Variants in CADM2 observed in about 807,000 individuals in gnomAD.
The protein encoded by CADM2 is immunoglobulin superfamily member 4D.
CADM2 carries 12 observed loss-of-function variants against 49.8 expected under a neutral mutation model. That is an observed-to-expected ratio of 0.24 (90% CI 0.15 to 0.39). The LOEUF (loss-of-function observed/expected upper bound fraction) is 0.39. Among genes scored for constraint, CADM2 ranks in the 10% least tolerant of loss-of-function variants. The pLI, the probability that CADM2 is intolerant of heterozygous loss-of-function variation, is 1.00. For synonymous variants in CADM2, 214 were observed against 175.4 expected, an observed-to-expected ratio of 1.22 and a Z score of -1.74; for missense variants, 378 against 492.3, an observed-to-expected ratio of 0.77 and a Z score of 2.20.
intron 7 of CADM2, among the ~76,000 whole-genome samples, chr3:85,942,742 C>T (rs1009464151): frequency 2.0e-5 from 3 of 151,818 alleles, no homozygotes; most frequent in Non-Finnish European, 1.5e-5. Context: ...CATTGTTGGA[C>T]ATTTGGGTTG....
chr3:85,676,093 AC>A (rs1354146729), intron 1 of CADM2, among the ~76,000 whole-genome samples: 20 of 152,280 alleles, frequency 1.3e-4, no homozygotes, highest in Admixed American at 5.2e-4. Context: ...CACAGCAGAT[AC>A]CTCACTTTGA....
chr3:85,037,660 A>G (rs995176948), intron 1 of CADM2, among the ~76,000 whole-genome samples: 2 of 152,112 alleles, frequency 1.3e-5, no homozygotes, highest in Non-Finnish European at 2.9e-5. Flanking sequence ...TCCTACTAAG[A>G]AGGGCTTTTC....
intron 1 of CADM2, among the ~76,000 whole-genome samples, chr3:85,492,098 T>A (rs1293382677): frequency 6.6e-6 from 1 of 152,178 alleles, no homozygotes; most frequent in African/African-American, 2.4e-5. Flanking sequence ...AAATATTTTT[T>A]AAAAGAAAAC....
chr3:85,887,554 A>G (rs1344170580), intron 5 of CADM2, among the ~76,000 whole-genome samples: 1 of 151,986 alleles, frequency 6.6e-6, no homozygotes, highest in Non-Finnish European at 1.5e-5. Flanking sequence ...TTCTCTGCAT[A>G]TTTTTCCCAA....
At chr3:85,306,020 A>G (rs1303935148) in intron 1 of CADM2, among the ~76,000 whole-genome samples, 1 of 151,638 alleles carries the variant, frequency 6.6e-6, no homozygotes, top group Non-Finnish European at 1.5e-5. Context: ...GATCTCCAAA[A>G]ATGTAGGTCA....
At chr3:85,312,969 T>C (rs1199369198) in intron 1 of CADM2, among the ~76,000 whole-genome samples, 1 of 152,194 alleles carries the variant, frequency 6.6e-6, no homozygotes, top group African/African-American at 2.4e-5. Flanking sequence ...GCATTTCCCC[T>C]TATCACATTT....
chr3:86,021,606 A>T (rs1019589079), intron 8 of CADM2, among the ~76,000 whole-genome samples: 1 of 152,162 alleles, frequency 6.6e-6, no homozygotes, highest in Non-Finnish European at 1.5e-5. Flanking sequence ...CACTGTAAAA[A>T]TTTCTCACTT....
At chr3:84,969,463 ATAT>A (rs2031255342) in intron 1 of CADM2, among the ~76,000 whole-genome samples, 1 of 151,330 alleles carries the variant, frequency 6.6e-6, no homozygotes, top group South Asian at 2.1e-4. Context: ...AAAACTTCGT[ATAT>A]TATTATTATA....
At chr3:85,752,468 G>A (rs1254543691) in intron 2 of CADM2, among the ~76,000 whole-genome samples, 1 of 100,228 alleles carries the variant, frequency 1.0e-5, no homozygotes, top group African/African-American at 4.6e-5. Context: ...TCATATGTGT[G>A]CGTGCACACA....
chr3:85,072,422 G>A (rs17022413), intron 1 of CADM2, among the ~76,000 whole-genome samples: 12,081 of 152,028 alleles, frequency 0.079, 1,578 homozygotes, highest in African/African-American at 0.27. Flanking sequence ...TGAAAAATAA[G>A]CCCAGTGAAT....
At chr3:86,034,493 T>G (rs901399448) in intron 8 of CADM2, among the ~76,000 whole-genome samples, 1 of 152,060 alleles carries the variant, frequency 6.6e-6, no homozygotes, top group Non-Finnish European at 1.5e-5. Flanking sequence ...TGTGAGCACC[T>G]TGTTCTTGGA....
At chr3:85,198,141 A>G (rs891077718) in intron 1 of CADM2, among the ~76,000 whole-genome samples, 8 of 151,892 alleles carry the variant, frequency 5.3e-5, no homozygotes, top group Admixed American at 3.9e-4. Context: ...GTACACATGT[A>G]TTGAAACAAA....
chr3:85,383,217 C>T (rs956770981), intron 1 of CADM2, among the ~76,000 whole-genome samples: 2 of 152,028 alleles, frequency 1.3e-5, no homozygotes, highest in African/African-American at 4.8e-5. Flanking sequence ...ATGAGGCATC[C>T]CTGGAGTCTC....
chr3:85,998,853 C>T (rs1192792410), intron 8 of CADM2, among the ~76,000 whole-genome samples: 2 of 151,836 alleles, frequency 1.3e-5, no homozygotes, highest in Non-Finnish European at 2.9e-5. Flanking sequence ...GACAATTGTT[C>T]CAAGATATTA....
At chr3:85,109,384 GGAGA>G (rs941074553) in intron 1 of CADM2, among the ~76,000 whole-genome samples, 2 of 151,284 alleles carry the variant, frequency 1.3e-5, no homozygotes, top group South Asian at 2.1e-4. Flanking sequence ...GAGAAAGAGA[GGAGA>G]GAGAGAGAGA....
chr3:85,148,821 A>G (rs547267392), intron 1 of CADM2, among the ~76,000 whole-genome samples: 4 of 152,298 alleles, frequency 2.6e-5, no homozygotes, highest in South Asian at 4.1e-4. Context: ...CATTAAGTAT[A>G]AGCTGATACT....
At chr3:85,739,721 G>A (rs2068299524) in intron 2 of CADM2, among the ~76,000 whole-genome samples, 3 of 152,022 alleles carry the variant, frequency 2.0e-5, no homozygotes, top group African/African-American at 7.2e-5. Flanking sequence ...AGGTGAGGAA[G>A]CACTGAAAAT....
intron 2 of CADM2, among the ~76,000 whole-genome samples, chr3:85,799,827 G>T (rs1284123292): frequency 1.3e-5 from 2 of 152,180 alleles, no homozygotes; most frequent in African/African-American, 2.4e-5. Flanking sequence ...GTCAACCACT[G>T]CTGGGAGGTG....
At chr3:85,436,635 C>T (rs1447406622) in intron 1 of CADM2, among the ~76,000 whole-genome samples, 1 of 151,922 alleles carries the variant, frequency 6.6e-6, no homozygotes, top group East Asian at 1.9e-4. Context: ...TAAAATAAAC[C>T]AGAATAAATT....
Sources: gnomAD v4.1 joint callset for allele counts (sites outside exome capture counted in the v4.1 genomes callset) on GRCh38, gnomAD v4.1.1 for gene constraint, MANE v1.5 for transcripts, NCBI Gene and HGNC (gene_info 2026-07-23, HGNC 2026-07-21) for gene names.